The following DAB1 variants were observed in gnomAD, a reference collection of about 807,000 sequenced individuals.
The protein encoded by DAB1 is disabled homolog 1.
A neutral mutation model predicts 64.6 loss-of-function variants in DAB1; 15 were observed. The ratio of observed to expected loss-of-function variants is 0.23; its 90% confidence interval spans 0.16 to 0.36. The LOEUF (loss-of-function observed/expected upper bound fraction) is 0.36. Ranked by LOEUF, DAB1 falls within the 10% of genes least tolerant of loss-of-function variation. The pLI, the probability that DAB1 is intolerant of heterozygous loss-of-function variation, is 1.00. For synonymous variants in DAB1, 235 were observed against 251.9 expected (o/e 0.93, Z 0.64); for missense variants, 596 against 706.7 (o/e 0.84, Z 1.78).
chr1:57,821,313 T>C (rs1222028432), downstream of DAB1, among the ~76,000 whole-genome samples: 1 of 151,878 alleles, frequency 6.6e-6, no homozygotes, highest in African/African-American at 2.4e-5. Flanking sequence ...ATAATAATAA[T>C]AATAAAAAAA....
At chr1:57,300,435 G>A (rs1347021261) in intron 1 of DAB1, among the ~76,000 whole-genome samples, 1 of 152,146 alleles carries the variant, frequency 6.6e-6, no homozygotes, top group Admixed American at 6.5e-5. Flanking sequence ...GGATGCAGAC[G>A]GAAGACTTCC....
At chr1:58,164,825 T>G (rs1353068063) in intron 4 of DAB1, among the ~76,000 whole-genome samples, 1 of 152,174 alleles carries the variant, frequency 6.6e-6, no homozygotes, top group African/African-American at 2.4e-5. Flanking sequence ...TATATCCTCA[T>G]GAGCTCCTTT....
chr1:57,234,532 T>C (rs1667947469), intron 2 of DAB1, among the ~76,000 whole-genome samples: 1 of 152,240 alleles, frequency 6.6e-6, no homozygotes, highest in African/African-American at 2.4e-5. Flanking sequence ...ACTGCTATTA[T>C]TAATAACTAA....
intron 2 of DAB1, among the ~76,000 whole-genome samples, chr1:57,154,304 T>C (rs934032753): frequency 1.3e-5 from 2 of 152,224 alleles, no homozygotes; most frequent in African/African-American, 4.8e-5. Context: ...TGTCTTTCTG[T>C]GCCTGGCTTA....
intron 5 of DAB1, among the ~76,000 whole-genome samples, chr1:58,112,698 A>G (rs753128789): frequency 3.9e-5 from 6 of 152,214 alleles, no homozygotes; most frequent in Non-Finnish European, 8.8e-5. Context: ...GTAGGCACTC[A>G]ATACATGTTT....
At chr1:57,183,057 T>C (rs1402291096) in intron 2 of DAB1, among the ~76,000 whole-genome samples, 1 of 152,256 alleles carries the variant, frequency 6.6e-6, no homozygotes, top group East Asian at 1.9e-4. Context: ...ATTCCCATCA[T>C]CACAGAAAGT....
intron 6 of DAB1, among the ~76,000 whole-genome samples, chr1:57,766,779 T>A (rs1016518438): frequency 8.0e-6 from 1 of 124,232 alleles, no homozygotes; most frequent in Non-Finnish European, 1.8e-5. Context: ...TCACTTCAGG[T>A]GCCAGTCACA....
intron 7 of DAB1, among the ~76,000 whole-genome samples, chr1:57,557,232 A>G (rs1425332024): frequency 6.6e-6 from 1 of 152,086 alleles, no homozygotes; most frequent in Non-Finnish European, 1.5e-5. Flanking sequence ...GTGAAAAGAG[A>G]GACTGGCCTG....
intron 3 of DAB1, among the ~76,000 whole-genome samples, chr1:58,393,711 G>C (rs1297176090): frequency 1.3e-5 from 2 of 152,198 alleles, no homozygotes; most frequent in Non-Finnish European, 2.9e-5. Flanking sequence ...AAACACCACA[G>C]GCTGGAGCAG....
At chr1:57,564,071 AC>A (rs1347376102) in intron 7 of DAB1, among the ~76,000 whole-genome samples, 1 of 152,142 alleles carries the variant, frequency 6.6e-6, no homozygotes, top group African/African-American at 2.4e-5. Context: ...ATGGCTGGGT[AC>A]CCCTCTGAGA....
intron 1 of DAB1, among the ~76,000 whole-genome samples, chr1:57,317,701 G>A (rs1245376781): frequency 4.6e-5 from 7 of 152,058 alleles, no homozygotes; most frequent in South Asian, 2.1e-4. Flanking sequence ...TGAAGTCTCC[G>A]GTACCATTCC....
chr1:58,206,402 C>T (rs184285669), intron 4 of DAB1, among the ~76,000 whole-genome samples: 171 of 152,248 alleles, frequency 1.1e-3, no homozygotes, highest in African/African-American at 4.0e-3. Context: ...TTTTTAATCT[C>T]AGTTGCTATT....
chr1:57,583,906 C>T (rs545469040), intron 7 of DAB1, among the ~76,000 whole-genome samples: 5 of 152,240 alleles, frequency 3.3e-5, no homozygotes, highest in South Asian at 2.1e-4. Flanking sequence ...CATGCCATTG[C>T]GGCCTTAGGG....
At chr1:58,049,395 T>C (rs1557626140) in intron 5 of DAB1, 1 of 495,640 alleles carries the variant, frequency 2.0e-6, no homozygotes, top group South Asian at 2.7e-5. Flanking sequence ...ATTTTTGCAC[T>C]TCTTTCCGAT....
intron 7 of DAB1, among the ~76,000 whole-genome samples, chr1:57,561,511 A>G (rs182510090): frequency 1.2e-3 from 183 of 152,334 alleles, no homozygotes; most frequent in Middle Eastern, 3.4e-3. Flanking sequence ...AGGTATACAG[A>G]TAGACTTCTC....
intron 5 of DAB1, among the ~76,000 whole-genome samples, chr1:57,984,252 G>GAAAAAAA (rs1221803395): frequency 7.5e-6 from 1 of 132,834 alleles, no homozygotes; most frequent in African/African-American, 2.9e-5. Flanking sequence ...AAGAAAGAAA[G>GAAAAAAA]AAAGAAAGAA....
intron 5 of DAB1, among the ~76,000 whole-genome samples, chr1:58,137,521 A>G (rs955207547): frequency 2.0e-5 from 3 of 151,970 alleles, no homozygotes; most frequent in Admixed American, 2.0e-4. Flanking sequence ...TCTTCCATCC[A>G]ACCACCCCCA....
chr1:57,754,887 G>A (rs538189160), intron 6 of DAB1, among the ~76,000 whole-genome samples: 3 of 152,106 alleles, frequency 2.0e-5, no homozygotes, highest in African/African-American at 4.8e-5. Flanking sequence ...GCTCCAAGAC[G>A]GCAGATTCCC....
At chr1:58,390,207 G>A (rs968453363) in intron 3 of DAB1, among the ~76,000 whole-genome samples, 9 of 152,168 alleles carry the variant, frequency 5.9e-5, no homozygotes, top group Admixed American at 2.0e-4. Context: ...TCTGCCAGGC[G>A]GAAGACACAC....
Sources: gnomAD v4.1 joint callset for allele counts (sites outside exome capture counted in the v4.1 genomes callset) on GRCh38, gnomAD v4.1.1 for gene constraint, MANE v1.5 for transcripts, NCBI Gene and HGNC (gene_info 2026-07-23, HGNC 2026-07-21) for gene names.